The following LRP2 variants were observed in gnomAD, a reference collection of about 807,000 sequenced individuals.
LRP2 encodes LDL receptor related protein 2, also known as low-density lipoprotein receptor-related protein 2.
LRP2 carries 172 observed loss-of-function variants against 531.0 expected under a neutral mutation model. The ratio of observed to expected loss-of-function variants is 0.32; its 90% CI spans 0.29 to 0.37. The LOEUF (loss-of-function observed/expected upper bound fraction) is 0.37. Ranked by LOEUF, LRP2 falls within the 10% of genes least tolerant of loss-of-function variation. The pLI is 1.00. For missense variants in LRP2, 5,167 were observed against 5,868.3 expected (o/e 0.88, Z 3.90); for synonymous variants, 1,992 against 2,027.6 (o/e 0.98, Z 0.47).
rs79877455 is a variant in LRP2 at position 169,289,094 on chromosome 2, G to T, written c.974C>A (p.Pro325Gln). Reference sequence around the variant, plus strand: ...GGGACAAAAACACGCTCCTCCATACGGCGTCTCATGGCACTGGTACTGGCA... The same window carrying T: ...GGGACAAAAACACGCTCCTCCATACTGCGTCTCATGGCACTGGTACTGGCA... ...LNCQYQCHET[P>Q]YGGACFCPPG... is the part of the protein sequence containing the mutation. The change falls in exon 9 of 79, where the codon CCG (proline) becomes CAG (glutamine). Residue 325 changes from proline (P) to glutamine (Q), a missense_variant. Coordinates refer to ENST00000649046, the MANE Select transcript of LRP2 (RefSeq NM_004525.3). 66 of 1,614,028 alleles carry T rather than the reference G, an allele frequency of 4.1e-5. No individual in the cohort carries two copies. Among genetic ancestry groups the T allele is most frequent in the Non-Finnish European group, 5.3e-5 (63 of 1,179,972 alleles).
At position 169,181,590 on chromosome 2, in the gene LRP2, G is replaced by A. The variant is rs140572511; in HGVS notation, c.10027C>T (p.Arg3343Cys). The change falls in exon 52 of 79, where the codon CGC becomes TGC. Residue 3343 changes from arginine (R) to cysteine (C), a missense_variant. Arg to Cys is a radical substitution (Grantham distance 180). Coordinates refer to ENST00000649046, the MANE Select transcript of LRP2 (RefSeq NM_004525.3). ...ATGCCTACTCTCCCAATGTATGCGCGGTGACCCCAGTCTGCCCAGTAGAGG... is the reference window on the plus strand; with the variant it reads ...ATGCCTACTCTCCCAATGTATGCGCAGTGACCCCAGTCTGCCCAGTAGAGG... The part of the protein sequence containing the change: ...GYLYWADWGH[R>C]AYIGRVGMDG... 5.1e-5 allele frequency: 82 copies of A among 1,614,054 alleles called. No homozygotes were observed. The East Asian group carries it at 1.2e-3, about 23-fold the overall frequency.
chr2:169,148,398 T>C (rs958168270), intron 68 of LRP2, among the ~76,000 whole-genome samples: 1 of 152,224 alleles, frequency 6.6e-6, no homozygotes, highest in Non-Finnish European at 1.5e-5. Flanking sequence ...CAACTCTGCA[T>C]ATACCAAAAG....
chr2:169,350,722 G>A (rs1295661351), intron 1 of LRP2, among the ~76,000 whole-genome samples: 15 of 10,630 alleles, frequency 1.4e-3, no homozygotes, highest in South Asian at 6.3e-3. Flanking sequence ...AGACTCCATC[G>A]CAAAAAAAAA....
intron 50 of LRP2, 48 bp downstream of exon 50, chr2:169,185,455 G>T (rs1399198542): frequency 1.3e-6 from 2 of 1,587,502 alleles, no homozygotes; most frequent in Middle Eastern, 1.7e-4. Flanking sequence ...AACATGGTTA[G>T]AATTTTTTAA....
intron 16 of LRP2, among the ~76,000 whole-genome samples, chr2:169,263,142 C>A (rs1220562933): frequency 6.6e-6 from 1 of 152,136 alleles, no homozygotes; most frequent in Non-Finnish European, 1.5e-5. Flanking sequence ...CATAAAAACC[C>A]TAGAAGAAAA....
At chr2:169,171,546 G>T (rs1322024381) in intron 58 of LRP2, among the ~76,000 whole-genome samples, 1 of 152,130 alleles carries the variant, frequency 6.6e-6, no homozygotes, top group Non-Finnish European at 1.5e-5. Context: ...ACTATTCTAG[G>T]AAGGGTAATA....
At position 169,213,618 on chromosome 2, in the gene LRP2, T is replaced by C. The variant is rs114072720; in HGVS notation, c.6040+39A>G. ...AATGTGAGTTATGTGTGAATATGCA[T>C]TATACACCCATGAATGTATTTCAGT... On this transcript the variant is annotated intron_variant, in intron 36 of 78. Transcript: ENST00000649046. The C allele has an allele frequency of 2.5e-3, 3,776 of 1,483,612 alleles. 80 individuals carry two copies. In the African/African-American group the frequency reaches 0.047, roughly 18 times the overall value. 91.9% of individuals were successfully genotyped at this position (1,483,612 alleles called of 1,614,324 possible). A position where few individuals can be genotyped will look rare whatever the true frequency, so the allele number is the denominator to read the frequency against.
Position 169,187,991 on chromosome 2 carries a change from T to C in LRP2, c.9307A>G (p.Asn3103Asp). Residue 3103 changes from asparagine (N) to aspartate (D), a missense_variant, in exon 49 of 79, where the codon AAC becomes GAC. Around this residue, in one of 6 missense-constraint regions of LRP2, gnomAD observed 1,129 missense variants for 1,362.7 expected, o/e 0.83. Transcript: ENST00000649046. ...LCNHLDDCLD[N>D]SDEKGCGINE... ...TCACCACAGCCTTTCTCATCGCTGT[T>C]GTCCAAACAGTCATCTAGGTGGTTG... 3 of 1,614,136 alleles carry C rather than the reference T, an allele frequency of 1.9e-6. No individual in the cohort carries two copies. Among genetic ancestry groups the C allele is most frequent in the Non-Finnish European group, 2.5e-6 (3 of 1,179,996 alleles).
At chr2:169,342,491 C>A (rs1262475147) in intron 1 of LRP2, among the ~76,000 whole-genome samples, 1 of 152,150 alleles carries the variant, frequency 6.6e-6, no homozygotes, top group Non-Finnish European at 1.5e-5. Context: ...AGCAAGTATT[C>A]TTTTTACAAA....
chr2:169,188,171 G>T lies in LRP2; in HGVS notation c.9127C>A (p.Arg3043Ser), dbSNP rs760320712. The T allele has an allele frequency of 6.2e-7, 1 of 1,614,064 alleles. No individual in the cohort carries two copies. Among genetic ancestry groups the T allele is most frequent in the Non-Finnish European group, 8.5e-7 (1 of 1,180,002 alleles). Residue 3043 changes from arginine (R) to serine (S), a missense_variant, in exon 49 of 79, where the codon CGC (arginine) becomes AGC (serine). Physicochemically the swap from Arg to Ser is moderately radical, Grantham distance 110 (BLOSUM62 -1). Transcript: ENST00000649046. ...CAGACGAAGGTTTTACTAATGCAGC[G>T]CCCGTTCTGACAGGTAAACTGATTC... ...QQNQFTCQNG[R>S]CISKTFVCDE...
Position 169,204,256 on chromosome 2 carries a change from G to A in LRP2, c.7731C>T (p.Arg2577=), listed in dbSNP as rs752267792. The stretch of plus-strand genomic sequence containing the variant: ...CACGATCCACGCCCGTCAGAGTGCT[G>A]CGTTCAATCCTCTGCCTAAAATGAA... ...WVDASLQRIE[R]STLTGVDREV... The change falls in exon 42 of 79, where the codon CGC becomes CGT. Residue 2577 remains arginine (R), a synonymous_variant. Coordinates refer to ENST00000649046, the MANE Select transcript of LRP2 (RefSeq NM_004525.3). 4 of 1,613,104 alleles carry A rather than the reference G, an allele frequency of 2.5e-6. No individual in the cohort carries two copies. The highest frequency in any genetic ancestry group is 2.2e-5 in the South Asian group (2 of 91,078).
At chr2:169,161,622 C>T (rs918252105) in intron 63 of LRP2, among the ~76,000 whole-genome samples, 1 of 152,070 alleles carries the variant, frequency 6.6e-6, no homozygotes, top group African/African-American at 2.4e-5. Flanking sequence ...TAGAGGTGCA[C>T]ACCACTACAC....
chr2:169,239,973 C>T (rs1689746134), intron 25 of LRP2, among the ~76,000 whole-genome samples, 198 bp from the exon 26 acceptor site: 1 of 152,198 alleles, frequency 6.6e-6, no homozygotes, highest in South Asian at 2.1e-4. Flanking sequence ...GATTTACCAT[C>T]CTTCATATCC....
At chr2:169,147,541 T>A (rs1055038780) in intron 68 of LRP2, among the ~76,000 whole-genome samples, 1 of 152,144 alleles carries the variant, frequency 6.6e-6, no homozygotes, top group Non-Finnish European at 1.5e-5. Context: ...GGTCTTGAAC[T>A]CCTGGACTCA....
chr2:169,358,898 CA>C (rs777233354), intron 1 of LRP2, among the ~76,000 whole-genome samples: 1,883 of 115,882 alleles, frequency 0.016, 25 homozygotes, highest in African/African-American at 0.045. Flanking sequence ...ACGATTTTCT[CA>C]AAAAAAAAAA....
intron 72 of LRP2, 38 bp downstream of exon 72, chr2:169,140,417 G>T (rs372200860): frequency 6.5e-7 from 1 of 1,535,262 alleles, no homozygotes; most frequent in Non-Finnish European, 9.0e-7. Flanking sequence ...CCCAGAAGAG[G>T]CAAGGCCTAT....
At chr2:169,216,105 G>A (rs1350455747) in intron 35 of LRP2, 148 bp downstream of exon 35, 10 of 813,840 alleles carry the variant, frequency 1.2e-5, no homozygotes, top group African/African-American at 6.7e-5. Context: ...GTGCAAGGGA[G>A]AGAAGTTATT....
rs778187256 is a variant in LRP2 at position 169,201,890 on chromosome 2, G to A, written c.8210-20C>T. ...GAAGTGCTAAGAACAGGAAAAACATGAGAACAAACCCTCTTGATTAAAACA... is the reference window on the plus strand; with the variant it reads ...GAAGTGCTAAGAACAGGAAAAACATAAGAACAAACCCTCTTGATTAAAACA... On this transcript the variant is annotated intron_variant, in intron 43 of 78. Transcript: ENST00000649046. The A allele has an allele frequency of 1.9e-6, 3 of 1,613,774 alleles. No homozygotes were observed. In the South Asian group the frequency reaches 3.3e-5, roughly 18 times the overall value.
At chr2:169,264,215 A>T (rs897567183) in intron 16 of LRP2, among the ~76,000 whole-genome samples, 2 of 151,966 alleles carry the variant, frequency 1.3e-5, no homozygotes, top group African/African-American at 4.8e-5. Context: ...TGCACATTGT[A>T]CACATGTACC....
Sources: allele counts gnomAD v4.1 joint callset (sites outside exome capture counted in the v4.1 genomes callset), GRCh38; gene constraint gnomAD v4.1.1; regional missense constraint gnomAD v4.1.1; transcripts MANE v1.5; gene names NCBI Gene and HGNC (gene_info 2026-07-23, HGNC 2026-07-21).